The following TRMT44 variants were observed in gnomAD, a reference collection of about 807,000 sequenced individuals.
The protein encoded by TRMT44 is tRNA methyltransferase 44 homolog.
Under a neutral mutation model 77.3 loss-of-function variants are expected in TRMT44, and 78 were observed. The ratio of observed to expected loss-of-function variants is 1.01; its 90% CI spans 0.84 to 1.22. The LOEUF is 1.22. Among genes scored for constraint, TRMT44 ranks in the 50% most tolerant of loss-of-function variants. The pLI is 0.00. For synonymous variants in TRMT44, 391 were observed against 383.3 expected, an observed-to-expected ratio of 1.02 and a Z score of -0.23; for missense variants, 1,090 against 964.4, an observed-to-expected ratio of 1.13 and a Z score of -1.73.
chr4:8,489,335 A>G (rs1267083294), intron 2 of TRMT44, among the ~76,000 whole-genome samples: 4 of 152,238 alleles, frequency 2.6e-5, no homozygotes, highest in Non-Finnish European at 5.9e-5. Context: ...CAAAAATTCT[A>G]TCAGTGAGAA....
chr4:8,455,782 A>G (rs1725769627), intron 6 of TRMT44, among the ~76,000 whole-genome samples: 1 of 152,210 alleles, frequency 6.6e-6, no homozygotes, highest in Non-Finnish European at 1.5e-5. Context: ...CAACAACACA[A>G]GTACAGCTGG....
Position 8,465,490 on chromosome 4 carries a change from A to G in TRMT44, c.1423A>G (p.Ile475Val). ...TCAGTACCGGGAATACCTTGACTTC[A>G]TTAAAGAAGTGGGCTTCACCTGTGG... Reference protein sequence around the residue: ...KTQYREYLDFIKEVGFTCGFH... With the variant: ...KTQYREYLDFVKEVGFTCGFH... The change falls in exon 8 of 11, where the codon ATT becomes GTT. Residue 475 changes from isoleucine (I) to valine (V), a missense_variant. Transcript: ENST00000389737. 1 of 1,614,118 alleles carries G rather than the reference A, an allele frequency of 6.2e-7. No individual in the cohort carries two copies.
chr4:8,506,184 G>A, the TRMT44 span, among the ~76,000 whole-genome samples: 1 of 152,204 alleles, frequency 6.6e-6, no homozygotes, highest in Non-Finnish European at 1.5e-5. Context: ...ACATTCACAA[G>A]GAGACCTGGT....
At chr4:8,489,975 C>T (rs2109231321) in intron 2 of TRMT44, among the ~76,000 whole-genome samples, 1 of 152,278 alleles carries the variant, frequency 6.6e-6, no homozygotes, top group South Asian at 2.1e-4. Flanking sequence ...ATTGTAGAAT[C>T]CAAGATTGGC....
chr4:8,480,556 C>A (rs1441636523), downstream of TRMT44, among the ~76,000 whole-genome samples: 2 of 152,222 alleles, frequency 1.3e-5, no homozygotes, highest in Non-Finnish European at 2.9e-5. Flanking sequence ...AATGCGCTTG[C>A]TCTAGCCCAC....
At chr4:8,448,872 G>C (rs1440713940) in intron 2 of TRMT44, among the ~76,000 whole-genome samples, 1 of 152,236 alleles carries the variant, frequency 6.6e-6, no homozygotes, top group African/African-American at 2.4e-5. Flanking sequence ...CTCCGGCTCT[G>C]CCCCGCTCAC....
chr4:8,446,593 A>G lies in TRMT44; in HGVS notation c.734+3A>G. The G allele has an allele frequency of 6.6e-7, 1 of 1,524,394 alleles. No individual in the cohort carries two copies. Among genetic ancestry groups the G allele is most frequent in the Non-Finnish European group, 8.8e-7 (1 of 1,136,190 alleles). The allele number at this position is 1,524,394 out of a possible 1,614,324, so 94.4% of individuals were successfully genotyped here. On this transcript the variant is annotated splice_donor_region_variant and intron_variant, in intron 2 of 10. Transcript: ENST00000389737. The surrounding 1 kb of genome is among the most constrained non-coding windows in gnomAD (Gnocchi z 4.3). The stretch of plus-strand genomic sequence containing the variant: ...CTCAGTCATAGCAAAGAAGAATGGT[A>G]AGAGCTGGACAGTGGACTCCTAGTT...
chr4:8,506,074 C>A, the TRMT44 span, among the ~76,000 whole-genome samples: 1 of 152,232 alleles, frequency 6.6e-6, no homozygotes, highest in Non-Finnish European at 1.5e-5. Flanking sequence ...CAAATCACAG[C>A]ACCATAGTTG....
intron 5 of TRMT44, chr4:8,453,518 G>A (rs2631753): frequency 0.46 from 70,847 of 152,452 alleles, 16,979 homozygotes; most frequent in South Asian, 0.67. Context: ...TGGCTCGGAC[G>A]GCCAGTCATG....
rs1218548736 is a variant in TRMT44 at position 8,475,764 on chromosome 4, A to C, written c.2045-8A>C. On this transcript the variant is annotated splice_region_variant and splice_polypyrimidine_tract_variant and intron_variant, in intron 10 of 10. Coordinates refer to ENST00000389737, the MANE Select transcript of TRMT44 (RefSeq NM_152544.3). ...TTCTCAGTGTGTCTTCTCTGTTCCA[A>C]ACCACAGTTGTGAATGGGAGAGTTC... The C allele has an allele frequency of 6.8e-6, 11 of 1,613,722 alleles. No homozygotes were observed. The highest frequency in any genetic ancestry group is 1.1e-5 in the South Asian group (1 of 91,086).
intron 9 of TRMT44, among the ~76,000 whole-genome samples, chr4:8,469,724 G>T (rs1560238507): frequency 6.6e-6 from 1 of 152,216 alleles, no homozygotes; most frequent in Non-Finnish European, 1.5e-5. Context: ...GGTGTCCGTG[G>T]GTCTGGGGCT....
At chr4:8,512,081 T>C in the TRMT44 span, 1 of 152,182 alleles carries the variant, frequency 6.6e-6, no homozygotes, top group Non-Finnish European at 1.5e-5. Flanking sequence ...TTATTATTAT[T>C]GTGGAGACAG....
chr4:8,457,038 C>A, intron 6 of TRMT44, among the ~76,000 whole-genome samples: 1 of 143,630 alleles, frequency 7.0e-6, no homozygotes, highest in South Asian at 2.3e-4. Context: ...CCAACTATCT[C>A]TACAAAAAAT....
At chr4:8,494,704 G>C (rs2177327), downstream of TRMT44, among the ~76,000 whole-genome samples, 72,839 of 152,060 alleles carry the variant, frequency 0.48, 17,796 homozygotes, top group South Asian at 0.67. Flanking sequence ...GCTGTGTTAT[G>C]GGTGTGTCCT....
At chr4:8,462,151 C>G (rs1013576274) in intron 6 of TRMT44, among the ~76,000 whole-genome samples, 1 of 152,244 alleles carries the variant, frequency 6.6e-6, no homozygotes, top group Admixed American at 6.5e-5. Flanking sequence ...TGGCTCACGC[C>G]TGTAATCCCA....
At chr4:8,463,448 CA>C (rs1350761641) in intron 6 of TRMT44, among the ~76,000 whole-genome samples, 1 of 152,160 alleles carries the variant, frequency 6.6e-6, no homozygotes, top group Admixed American at 6.5e-5. Flanking sequence ...TGACAGTTTA[CA>C]AAAGGTAATA....
intron 9 of TRMT44, among the ~76,000 whole-genome samples, chr4:8,469,361 G>A (rs1726826999): frequency 6.6e-6 from 1 of 152,224 alleles, no homozygotes; most frequent in Admixed American, 6.5e-5. Context: ...GCACCCTGCT[G>A]TGGTGGGGCT....
intron 9 of TRMT44, among the ~76,000 whole-genome samples, chr4:8,468,871 T>A (rs1413841503): frequency 2.0e-5 from 3 of 152,190 alleles, no homozygotes; most frequent in Non-Finnish European, 4.4e-5. Context: ...TTAACGGCAT[T>A]CAGAGAGCCA....
intron 2 of TRMT44, among the ~76,000 whole-genome samples, chr4:8,493,086 T>G (rs1197575406): frequency 6.6e-6 from 1 of 152,180 alleles, no homozygotes; most frequent in African/African-American, 2.4e-5. Context: ...CAATAACAAC[T>G]CTTTTCCAAA....
Sources: allele counts gnomAD v4.1 joint callset (sites outside exome capture counted in the v4.1 genomes callset), GRCh38; gene constraint gnomAD v4.1.1; non-coding constraint Gnocchi (gnomAD v3.1); transcripts MANE v1.5; gene names NCBI Gene and HGNC (gene_info 2026-07-23, HGNC 2026-07-21).